The following SCG5 variants were observed in gnomAD, a reference collection of about 807,000 sequenced individuals.
SCG5 encodes the protein secretogranin V, also known as neuroendocrine protein 7B2.
In SCG5, 18 loss-of-function variants were observed where a neutral mutation model predicts 25.7. The ratio of observed to expected loss-of-function variants is 0.70; its 90% CI spans 0.48 to 1.04. The LOEUF (loss-of-function observed/expected upper bound fraction) is 1.04, where lower values mean the gene tolerates loss of function less well. SCG5 is among the 50% of genes least tolerant of loss of function. SCG5 has a pLI of 0.00. For synonymous variants in SCG5, 101 were observed against 91.7 expected, an observed-to-expected ratio of 1.10 and a Z score of -0.58; for missense variants, 206 against 259.8, an observed-to-expected ratio of 0.79 and a Z score of 1.42.
In SCG5 at chr15:32,688,736, A is replaced by T. The variant is rs374424614; in HGVS notation, c.490-2974A>T. 4.4e-3 allele frequency among the ~76,000 whole-genome samples: 663 copies of T among 152,236 alleles called. 4 individuals carry two copies. Among genetic ancestry groups the T allele is most frequent in the Non-Finnish European group, 6.1e-3 (414 of 68,008 alleles). ...CACTTTGGGAGGCCGAGGCAGGCGG[A>T]TCATGAGGTCAGGAGATCGAGACCA... is the stretch of plus-strand genomic sequence containing the variant. On this transcript the variant is annotated intron_variant, in intron 4 of 5. Transcript: ENST00000300175.
chr15:32,692,084 C>T, intron 5 of SCG5: 1 of 1,191,040 alleles, frequency 8.4e-7, no homozygotes, highest in South Asian at 3.4e-5. Flanking sequence ...GGTCTGTCTG[C>T]CCTCCCAGGG....
chr15:32,693,609 C>G (rs2054902883), intron 5 of SCG5, among the ~76,000 whole-genome samples: 1 of 152,212 alleles, frequency 6.6e-6, no homozygotes, highest in African/African-American at 2.4e-5. Flanking sequence ...AAACTATACG[C>G]TTTCTTTTTT....
At chr15:32,663,061 ATATATATAT>A (rs2054256335) in intron 2 of SCG5, among the ~76,000 whole-genome samples, 1 of 68,872 alleles carries the variant, frequency 1.5e-5, no homozygotes, top group Non-Finnish European at 2.9e-5. Context: ...ATATATATAT[ATATATATAT>A]ATATATATAA....
At chr15:32,664,192 G>A (rs772142413) in intron 2 of SCG5, among the ~76,000 whole-genome samples, 3 of 152,156 alleles carry the variant, frequency 2.0e-5, no homozygotes, top group Non-Finnish European at 4.4e-5. Context: ...TCATTTCATA[G>A]TAGAGAAAAT....
At chr15:32,674,244 A>C (rs1252389079) in intron 2 of SCG5, among the ~76,000 whole-genome samples, 2 of 152,264 alleles carry the variant, frequency 1.3e-5, no homozygotes, top group African/African-American at 4.8e-5. Context: ...AGTGATCTGA[A>C]TACTACATGA....
chr15:32,685,104 G>A (rs1225879626), intron 4 of SCG5, among the ~76,000 whole-genome samples: 3 of 152,174 alleles, frequency 2.0e-5, no homozygotes, highest in Non-Finnish European at 2.9e-5. Context: ...CCAGAGCTTA[G>A]AAACAGATAT....
chr15:32,643,543 C>A, intron 1 of SCG5, 43 bp from the exon 2 acceptor site: 2 of 1,442,852 alleles, frequency 1.4e-6, no homozygotes, highest in Non-Finnish European at 2.0e-6. Context: ...ATCACAATTG[C>A]CGATTGTAGC....
chr15:32,679,875 G>A lies in SCG5; in HGVS notation c.336G>A (p.Gly112=), dbSNP rs757701293. The change falls in exon 3 of 6, where the codon GGG becomes GGA. Residue 112 remains glycine, a synonymous_variant. Coordinates refer to ENST00000300175, the MANE Select transcript of SCG5 (RefSeq NM_001144757.3). ...NIPKDFSEDQ[G]YPDPPNPCPV... The stretch of plus-strand genomic sequence containing the variant: ...CTAAGGACTTTAGTGAGGATCAGGG[G>A]TACCCAGACCCTCCAAATCCCTGTC... The A allele has an allele frequency of 1.2e-6, 2 of 1,613,628 alleles. No homozygotes were observed. The highest frequency in any genetic ancestry group is 1.7e-6 in the Non-Finnish European group (2 of 1,179,602).
intron 2 of SCG5, among the ~76,000 whole-genome samples, chr15:32,657,199 G>GTATATATATA (rs71113463): frequency 0.018 from 117 of 6,682 alleles, 33 homozygotes; most frequent in African/African-American, 0.055. Context: ...TCATCCTCCT[G>GTATATATATA]TATATATATA....
intron 3 of SCG5, among the ~76,000 whole-genome samples, chr15:32,684,263 A>G (rs906093450): frequency 1.3e-5 from 2 of 152,254 alleles, no homozygotes; most frequent in African/African-American, 4.8e-5. Context: ...CCACTCAGGC[A>G]AATGACTCCA....
At chr15:32,678,089 A>AATTTT (rs2054559738) in intron 2 of SCG5, among the ~76,000 whole-genome samples, 1 of 152,246 alleles carries the variant, frequency 6.6e-6, no homozygotes, top group Non-Finnish European at 1.5e-5. Context: ...TAAAGAGTTA[A>AATTTT]CTTACAAATA....
intron 2 of SCG5, among the ~76,000 whole-genome samples, chr15:32,653,228 C>G (rs1053134838): frequency 2.0e-5 from 3 of 152,198 alleles, no homozygotes; most frequent in Non-Finnish European, 2.9e-5. Context: ...TAGGATTGTT[C>G]TTGAATTTTG....
chr15:32,676,057 T>A (rs1041828814), intron 2 of SCG5, among the ~76,000 whole-genome samples: 6 of 152,244 alleles, frequency 3.9e-5, no homozygotes, highest in African/African-American at 1.4e-4. Context: ...ATAACTGCAT[T>A]TGGCCCTTTG....
At chr15:32,661,729 C>T (rs1418421656) in intron 2 of SCG5, among the ~76,000 whole-genome samples, 1 of 152,120 alleles carries the variant, frequency 6.6e-6, no homozygotes, top group Non-Finnish European at 1.5e-5. Flanking sequence ...TTTGTTTTTT[C>T]TGCCATCACA....
intron 2 of SCG5, among the ~76,000 whole-genome samples, chr15:32,673,685 G>T (rs1008208055): frequency 4.6e-5 from 7 of 151,924 alleles, no homozygotes; most frequent in African/African-American, 1.7e-4. Flanking sequence ...GGAGTGAGGT[G>T]ACAAAGAACA....
chr15:32,684,759 G>A, intron 4 of SCG5, 90 bp downstream of exon 4: 1 of 769,060 alleles, frequency 1.3e-6, no homozygotes, highest in Non-Finnish European at 2.2e-6. Flanking sequence ...CAGAAGGAGA[G>A]AAGAAAAATT....
At chr15:32,686,277 A>C (rs1383467483) in intron 4 of SCG5, among the ~76,000 whole-genome samples, 2 of 152,250 alleles carry the variant, frequency 1.3e-5, no homozygotes, top group Non-Finnish European at 2.9e-5. Flanking sequence ...TGAAATAATA[A>C]AAGCCTTCTA....
intron 3 of SCG5, among the ~76,000 whole-genome samples, chr15:32,680,764 A>G (rs1219317884): frequency 6.6e-6 from 1 of 152,128 alleles, no homozygotes; most frequent in Non-Finnish European, 1.5e-5. Context: ...TTAAGGAAGA[A>G]GGTTGAAATT....
rs541575696 is a variant in SCG5 at position 32,643,476 on chromosome 15, C to G, written c.-7-110C>G. 37 of 829,914 alleles carry G rather than the reference C, an allele frequency of 4.5e-5. No homozygotes were observed. The African/African-American group carries it at 5.9e-4, about 13-fold the overall frequency. 51.4% of individuals were successfully genotyped at this position (829,914 alleles called of 1,614,324 possible). On this transcript the variant is annotated intron_variant, in intron 1 of 5. Coordinates refer to ENST00000300175, the MANE Select transcript of SCG5 (RefSeq NM_001144757.3). ...TCCTAAGGATTCTTTGTTACAACCC[C>G]TTTCTGGGTGGTCCTCGAACCACAA...
Sources: allele counts gnomAD v4.1 joint callset (sites outside exome capture counted in the v4.1 genomes callset), GRCh38; gene constraint gnomAD v4.1.1; transcripts MANE v1.5; gene names NCBI Gene and HGNC (gene_info 2026-07-23, HGNC 2026-07-21).